Variants in PSPC1 observed in about 807,000 individuals in gnomAD.
The protein encoded by PSPC1 is paraspeckle protein 1.
In PSPC1, 14 loss-of-function variants were observed where a neutral mutation model predicts 51.6. The ratio of observed to expected loss-of-function variants is 0.27; its 90% confidence interval spans 0.18 to 0.42. PSPC1 has a LOEUF of 0.42. Ranked by LOEUF, PSPC1 falls within the 10% of genes least tolerant of loss-of-function variation. PSPC1 has a pLI of 1.00. For missense variants in PSPC1, 406 were observed against 701.1 expected (o/e 0.58, Z 4.75); for synonymous variants, 193 against 231.9 (o/e 0.83, Z 1.53).
At chr13:19,675,802 T>C (rs1876570625) in intron 7 of PSPC1, 1 of 152,206 alleles carries the variant, frequency 6.6e-6, no homozygotes, top group Non-Finnish European at 1.5e-5. Context: ...AATATTAAGA[T>C]TGTTGATGGA....
intron 6 of PSPC1, among the ~76,000 whole-genome samples, chr13:19,717,705 CA>C (rs780984201): frequency 0.14 from 9,748 of 72,194 alleles, 311 homozygotes; most frequent in African/African-American, 0.19. Context: ...GACTCTGTCT[CA>C]AAAAAAAAAA....
intron 7 of PSPC1, among the ~76,000 whole-genome samples, chr13:19,707,429 T>G (rs539196398): frequency 1.3e-5 from 2 of 152,316 alleles, no homozygotes; most frequent in African/African-American, 4.8e-5. Context: ...TACACACTAG[T>G]GATACACCAG....
At chr13:19,684,131 A>T (rs1356302011) in intron 6 of PSPC1, among the ~76,000 whole-genome samples, 3 of 152,200 alleles carry the variant, frequency 2.0e-5, no homozygotes, top group Non-Finnish European at 4.4e-5. Flanking sequence ...AAAATTTTCA[A>T]CCTTAATTTT....
chr13:19,736,216 T>G (rs1307653771), intron 5 of PSPC1, among the ~76,000 whole-genome samples: 4 of 152,124 alleles, frequency 2.6e-5, no homozygotes, highest in Non-Finnish European at 5.9e-5. Context: ...CAGGAAAAAC[T>G]AAGATTGTAA....
At chr13:19,690,204 T>C (rs1878389758) in intron 6 of PSPC1, among the ~76,000 whole-genome samples, 2 of 152,228 alleles carry the variant, frequency 1.3e-5, no homozygotes, top group African/African-American at 4.8e-5. Context: ...TACTGAATTA[T>C]TTCTCCTGCA....
At chr13:19,724,773 C>A (rs1390138963) in intron 6 of PSPC1, among the ~76,000 whole-genome samples, 1 of 152,024 alleles carries the variant, frequency 6.6e-6, no homozygotes, top group African/African-American at 2.4e-5. Flanking sequence ...GCCGAGCGGG[C>A]GGATCACCTG....
chr13:19,772,012 A>G (rs563503200), intron 2 of PSPC1, among the ~76,000 whole-genome samples: 4 of 152,350 alleles, frequency 2.6e-5, no homozygotes, highest in African/African-American at 9.6e-5. Context: ...TCATTAAGTT[A>G]AATGAAATAA....
chr13:19,765,025 C>T (rs954216640), intron 2 of PSPC1, among the ~76,000 whole-genome samples: 1 of 151,984 alleles, frequency 6.6e-6, no homozygotes, highest in African/African-American at 2.4e-5. Flanking sequence ...CCCTTATAGA[C>T]ATGTACCATT....
At chr13:19,715,959 A>C (rs919776764) in intron 6 of PSPC1, among the ~76,000 whole-genome samples, 2 of 152,150 alleles carry the variant, frequency 1.3e-5, no homozygotes, top group African/African-American at 4.8e-5. Context: ...GCTTGCAGTG[A>C]GCCAAGATCA....
At chr13:19,727,469 A>G (rs182335487) in intron 6 of PSPC1, among the ~76,000 whole-genome samples, 57 of 152,232 alleles carry the variant, frequency 3.7e-4, no homozygotes, top group Admixed American at 1.2e-3. Context: ...CATCACCCCA[A>G]TTTTCCTAAC....
intron 2 of PSPC1, among the ~76,000 whole-genome samples, chr13:19,761,402 C>A (rs1038507771): frequency 6.6e-6 from 1 of 152,028 alleles, no homozygotes; most frequent in African/African-American, 2.4e-5. Context: ...GGCTCTTCAC[C>A]ATGCAAGGGG....
intron 6 of PSPC1, among the ~76,000 whole-genome samples, chr13:19,684,720 T>C (rs1041787381): frequency 6.6e-6 from 1 of 152,192 alleles, no homozygotes; most frequent in African/African-American, 2.4e-5. Flanking sequence ...TCTGTTTAAA[T>C]GCAGGGGGAA....
chr13:19,702,402 C>G (rs554681502), downstream of PSPC1: 1 of 152,072 alleles, frequency 6.6e-6, no homozygotes, highest in Non-Finnish European at 1.5e-5. Context: ...CGATAATAAT[C>G]GGGTAAGGTC....
At chr13:19,716,255 A>G (rs1882078615) in intron 6 of PSPC1, among the ~76,000 whole-genome samples, 1 of 152,134 alleles carries the variant, frequency 6.6e-6, no homozygotes, top group African/African-American at 2.4e-5. Context: ...GTGGGTGTAT[A>G]TGTGTGTGTG....
At chr13:19,693,947 C>G (rs193297182) in intron 6 of PSPC1, among the ~76,000 whole-genome samples, 5 of 151,884 alleles carry the variant, frequency 3.3e-5, no homozygotes, top group Non-Finnish European at 7.4e-5. Flanking sequence ...CACGGTGAAA[C>G]CCCATCTCTA....
chr13:19,708,195 GA>G lies in PSPC1; in HGVS notation c.1216+1346del, dbSNP rs1014224900. ...TGAAAAACTGGCAACAGAAGTTTAAGAAAAAAAAGCTGATCATGGAAAATGT... is the reference window on the plus strand; with the variant it reads ...TGAAAAACTGGCAACAGAAGTTTAAGAAAAAAAGCTGATCATGGAAAATGT... On this transcript the variant is annotated intron_variant, in intron 7 of 8. Coordinates refer to ENST00000338910, the MANE Select transcript of PSPC1 (RefSeq NM_001354909.2). Among the ~76,000 whole-genome samples the G allele has an allele frequency of 1.8e-4, 28 of 151,872 alleles. 1 individual carries two copies. The highest frequency in any genetic ancestry group is 1.3e-3 in the Admixed American group (20 of 15,256).
chr13:19,782,897 C>T lies in PSPC1; in HGVS notation c.-140G>A, dbSNP rs1890130417. On this transcript the variant is annotated 5_prime_UTR_variant, in exon 1 of 9. Transcript: ENST00000338910. The surrounding 1 kb of genome is among the most constrained non-coding windows in gnomAD (Gnocchi z 4.5). Reference sequence around the variant, plus strand: ...GACCGCTAGGTAGGCGAGTCGGCAACCCGTCCTCCCCCAACTCACGCCCGC... The same window carrying T: ...GACCGCTAGGTAGGCGAGTCGGCAATCCGTCCTCCCCCAACTCACGCCCGC... 5 of 924,998 alleles carry T rather than the reference C, an allele frequency of 5.4e-6. No homozygotes were observed. The highest frequency in any genetic ancestry group is 6.6e-5 in the Admixed American group (2 of 30,308). 57.3% of individuals were successfully genotyped at this position (924,998 alleles called of 1,614,324 possible).
intron 5 of PSPC1, among the ~76,000 whole-genome samples, chr13:19,740,849 C>G (rs888078304): frequency 6.6e-6 from 1 of 151,814 alleles, no homozygotes; most frequent in African/African-American, 2.4e-5. Context: ...CCCATAACCC[C>G]TTTTAACACG....
chr13:19,745,659 GC>G (rs1885898647), intron 4 of PSPC1, among the ~76,000 whole-genome samples: 1 of 143,272 alleles, frequency 7.0e-6, no homozygotes, highest in Non-Finnish European at 1.5e-5. Flanking sequence ...TCGCTCTGTC[GC>G]CCTGGCTGGA....
Sources: allele counts gnomAD v4.1 joint callset (sites outside exome capture counted in the v4.1 genomes callset), GRCh38; gene constraint gnomAD v4.1.1; non-coding constraint Gnocchi (gnomAD v3.1); transcripts MANE v1.5; gene names NCBI Gene and HGNC (gene_info 2026-07-23, HGNC 2026-07-21).